Variants in L3MBTL3 observed in about 807,000 individuals in gnomAD.
L3MBTL3 encodes L3MBTL histone methyl-lysine binding protein 3.
In L3MBTL3, 27 loss-of-function variants were observed where a neutral mutation model predicts 102.3. The observed-to-expected ratio is 0.26, with a 90% CI of 0.19 to 0.36. The LOEUF (loss-of-function observed/expected upper bound fraction) is 0.36, where lower values mean the gene tolerates loss of function less well. Among genes scored for constraint, L3MBTL3 ranks in the 10% least tolerant of loss-of-function variants. The pLI is 1.00. For synonymous variants in L3MBTL3, 340 were observed against 320.9 expected (o/e 1.06, Z -0.64); for missense variants, 798 against 955.3 (o/e 0.84, Z 2.17).
intron 2 of L3MBTL3, among the ~76,000 whole-genome samples, chr6:130,039,135 T>G (rs907282887): frequency 1.3e-5 from 2 of 152,144 alleles, no homozygotes; most frequent in African/African-American, 4.8e-5. Flanking sequence ...GAATAAACTA[T>G]CATGGACCCT....
chr6:130,122,286 CTG>C (rs982901397), intron 20 of L3MBTL3, among the ~76,000 whole-genome samples: 1 of 152,138 alleles, frequency 6.6e-6, no homozygotes, highest in African/African-American at 2.4e-5. Flanking sequence ...ATTTCCATAT[CTG>C]ATTTTCATAA....
intron 22 of L3MBTL3, among the ~76,000 whole-genome samples, chr6:130,139,126 T>G (rs530980425): frequency 8.6e-5 from 13 of 151,926 alleles, no homozygotes; most frequent in African/African-American, 2.9e-4. Context: ...TAGAGATAAG[T>G]GTTATCTTTC....
intron 22 of L3MBTL3, among the ~76,000 whole-genome samples, chr6:130,139,173 G>GAAA (rs11380610): frequency 6.7e-6 from 1 of 148,948 alleles, no homozygotes. Flanking sequence ...GCTAATTCTG[G>GAAA]AAAAAAAAAA....
chr6:130,097,030 A>G (rs1784400327), intron 18 of L3MBTL3, among the ~76,000 whole-genome samples: 1 of 151,920 alleles, frequency 6.6e-6, no homozygotes, highest in Non-Finnish European at 1.5e-5. Context: ...AATTCACAGA[A>G]CTCCTGGAGG....
chr6:130,054,671 G>A (rs1161534431), intron 7 of L3MBTL3, among the ~76,000 whole-genome samples: 2 of 152,174 alleles, frequency 1.3e-5, no homozygotes, highest in African/African-American at 2.4e-5. Context: ...TTGAAATGCT[G>A]ATTAACCATC....
chr6:130,122,433 G>T (rs1786292259), intron 20 of L3MBTL3, among the ~76,000 whole-genome samples: 1 of 152,144 alleles, frequency 6.6e-6, no homozygotes, highest in African/African-American at 2.4e-5. Context: ...CTGCTGCTGT[G>T]TGATCTTAGA....
chr6:130,059,126 A>T (rs956215416), intron 9 of L3MBTL3, among the ~76,000 whole-genome samples: 15 of 152,210 alleles, frequency 9.9e-5, no homozygotes, highest in African/African-American at 3.6e-4. Flanking sequence ...TAATGAATGC[A>T]TGTGATTCAA....
chr6:130,138,989 C>T (rs1788012631), intron 22 of L3MBTL3, among the ~76,000 whole-genome samples: 1 of 151,974 alleles, frequency 6.6e-6, no homozygotes, highest in Admixed American at 6.5e-5. Flanking sequence ...TCATAGTTAC[C>T]CTACCTGCGT....
chr6:130,020,154 C>CGT (rs938639257), intron 1 of L3MBTL3, among the ~76,000 whole-genome samples: 4 of 150,878 alleles, frequency 2.7e-5, no homozygotes, highest in African/African-American at 9.7e-5. Context: ...CCTCGCGCCG[C>CGT]GTGTGTGTGC....
chr6:130,048,191 C>T (rs979023257), intron 3 of L3MBTL3, among the ~76,000 whole-genome samples: 1 of 152,126 alleles, frequency 6.6e-6, no homozygotes, highest in Admixed American at 6.5e-5. Context: ...TTGACTAAAT[C>T]GATTTTTTCG....
chr6:130,032,349 T>A (rs1779780884), intron 2 of L3MBTL3, among the ~76,000 whole-genome samples: 1 of 152,190 alleles, frequency 6.6e-6, no homozygotes, highest in Non-Finnish European at 1.5e-5. Flanking sequence ...CTCTAGAGGC[T>A]GAGGCGGGAG....
Position 130,133,534 on chromosome 6 carries a change from G to C in L3MBTL3, c.2049G>C (p.Leu683=). Reference sequence around the variant, plus strand: ...CCTTTAAGTCCCCAATTCCATGTCTGCCCTTGCGCTGGGAGCAGCAAAGCA... The same window carrying C: ...CCTTTAAGTCCCCAATTCCATGTCTCCCCTTGCGCTGGGAGCAGCAAAGCA... The part of the protein sequence containing the change: ...FLSFKSPIPC[L]PLRWEQQSKL... Residue 683 remains leucine (L), a synonymous_variant, in exon 21 of 23, where the codon CTG becomes CTC. Coordinates refer to ENST00000361794, the MANE Select transcript of L3MBTL3 (RefSeq NM_032438.4). The surrounding 1 kb of genome is among the most constrained non-coding windows in gnomAD (Gnocchi z 4.9). 1 of 1,614,108 alleles carries C rather than the reference G, an allele frequency of 6.2e-7. No homozygotes were observed. Among genetic ancestry groups the C allele is most frequent in the African/African-American group, 1.3e-5 (1 of 75,036 alleles).
intron 12 of L3MBTL3, among the ~76,000 whole-genome samples, chr6:130,069,975 A>C (rs990106455): frequency 6.6e-6 from 1 of 152,228 alleles, no homozygotes; most frequent in Non-Finnish European, 1.5e-5. Flanking sequence ...ACATTTTCAG[A>C]TACACGGCTG....
chr6:130,101,789 CAA>C (rs1439802434), intron 18 of L3MBTL3, among the ~76,000 whole-genome samples: 2 of 152,188 alleles, frequency 1.3e-5, no homozygotes, highest in Non-Finnish European at 2.9e-5. Flanking sequence ...GTTTTCTGCT[CAA>C]GTTAGGCAGA....
Position 130,071,058 on chromosome 6 carries a change from C to T in L3MBTL3, c.1175C>T (p.Thr392Met), listed in dbSNP as rs746514298. The T allele has an allele frequency of 1.5e-5, 24 of 1,612,374 alleles. No individual in the cohort carries two copies. The highest frequency in any genetic ancestry group is 1.6e-4 in the Middle Eastern group (1 of 6,082). The change falls in exon 13 of 23, where the codon ACG (threonine) becomes ATG (methionine). Residue 392 changes from threonine to methionine, a missense_variant. By Grantham distance (81) the Thr-to-Met change is moderately conservative. Transcript: ENST00000361794. The part of the protein sequence containing the change: ...KKNPSFICVA[T>M]VTDMVDNRFL... Reference sequence around the variant, plus strand: ...AATCCCTCATTCATCTGTGTTGCTACGGTAACAGATATGGTGGACAATCGT... The same window carrying T: ...AATCCCTCATTCATCTGTGTTGCTATGGTAACAGATATGGTGGACAATCGT...
At chr6:130,078,289 G>A (rs1332090095) in intron 13 of L3MBTL3, among the ~76,000 whole-genome samples, 1 of 152,072 alleles carries the variant, frequency 6.6e-6, no homozygotes, top group East Asian at 1.9e-4. Context: ...TTGCATTTTT[G>A]CTGTAGTTGA....
intron 19 of L3MBTL3, among the ~76,000 whole-genome samples, chr6:130,109,239 G>C (rs904922019): frequency 3.9e-5 from 6 of 152,134 alleles, no homozygotes; most frequent in Non-Finnish European, 8.8e-5. Flanking sequence ...GGATTGCTGG[G>C]TCAAATGGTA....
At chr6:130,018,848 C>G (rs928705499) in intron 1 of L3MBTL3, among the ~76,000 whole-genome samples, 184 bp downstream of exon 1, 1 of 152,090 alleles carries the variant, frequency 6.6e-6, no homozygotes, top group Non-Finnish European at 1.5e-5. Context: ...TCCCCCACTT[C>G]TCTGCGCCTC....
intron 3 of L3MBTL3, 28 bp from the exon 4 acceptor site, chr6:130,049,254 T>C: frequency 7.6e-7 from 1 of 1,309,920 alleles, no homozygotes; most frequent in Non-Finnish European, 1.1e-6. Context: ...ACTTTTTAAA[T>C]TTTGCCTTTC....
Sources: allele counts gnomAD v4.1 joint callset (sites outside exome capture counted in the v4.1 genomes callset), GRCh38; gene constraint gnomAD v4.1.1; non-coding constraint Gnocchi (gnomAD v3.1); transcripts MANE v1.5; gene names NCBI Gene and HGNC (gene_info 2026-07-23, HGNC 2026-07-21).